The following KATNAL1 variants were observed in gnomAD, a reference collection of about 807,000 sequenced individuals.
KATNAL1 encodes the protein katanin catalytic subunit A1 like 1, also known as katanin p60 ATPase-containing subunit A-like 1.
KATNAL1 carries 32 observed loss-of-function variants against 55.2 expected under a neutral mutation model. The observed-to-expected ratio is 0.58, with a 90% confidence interval of 0.44 to 0.78. The LOEUF (loss-of-function observed/expected upper bound fraction) is 0.78, where lower values mean the gene tolerates loss of function less well. Among genes scored for constraint, KATNAL1 ranks in the 30% least tolerant of loss-of-function variants. The probability of loss-of-function intolerance (pLI) is 0.00; values close to 1 mark genes in which losing one functional copy is unlikely to be tolerated. For missense variants in KATNAL1, 466 were observed against 600.9 expected, an observed-to-expected ratio of 0.78 and a Z score of 2.35; for synonymous variants, 193 against 193.6, an observed-to-expected ratio of 1.00 and a Z score of 0.02.
At chr13:30,238,804 T>C (rs7331654) in intron 6 of KATNAL1, among the ~76,000 whole-genome samples, 1,536 of 152,308 alleles carry the variant, frequency 0.01, 22 homozygotes, top group African/African-American at 0.034. Flanking sequence ...CAAGGAACCC[T>C]GTTTATAACA....
intron 3 of KATNAL1, among the ~76,000 whole-genome samples, chr13:30,258,731 C>A (rs79856713): frequency 6.6e-6 from 1 of 151,882 alleles, no homozygotes; most frequent in Admixed American, 6.6e-5. Flanking sequence ...AATTTTTGTA[C>A]GACGTGAGGT....
chr13:30,285,122 C>A (rs139971886), intron 1 of KATNAL1, among the ~76,000 whole-genome samples: 1 of 152,162 alleles, frequency 6.6e-6, no homozygotes, highest in African/African-American at 2.4e-5. Context: ...GAAAATTAAC[C>A]ATCACTAGTT....
At chr13:30,239,550 T>A (rs1877040106) in intron 6 of KATNAL1, among the ~76,000 whole-genome samples, 1 of 152,272 alleles carries the variant, frequency 6.6e-6, no homozygotes, top group African/African-American at 2.4e-5. Context: ...CAGAAAAAAA[T>A]TATTTGGTCA....
At position 30,206,223 on chromosome 13, in the gene KATNAL1, G is replaced by C. The variant is rs891766553; in HGVS notation, c.*2317C>G. On this transcript the variant is annotated 3_prime_UTR_variant, in exon 11 of 11. Transcript: ENST00000380615. Reference sequence around the variant, plus strand: ...TTGAACCTGGGAGGCAGAAGTTGCAGTGAGCCGAGATCATGCCACTGCACT... The same window carrying C: ...TTGAACCTGGGAGGCAGAAGTTGCACTGAGCCGAGATCATGCCACTGCACT... The C allele has an allele frequency of 1.3e-5, 2 of 152,166 alleles. No individual in the cohort carries two copies. Among genetic ancestry groups the C allele is most frequent in the African/African-American group, 4.8e-5 (2 of 41,374 alleles). 9.4% of individuals were successfully genotyped at this position (152,166 alleles called of 1,614,324 possible). A position where few individuals can be genotyped will look rare whatever the true frequency, so the allele number is the denominator to read the frequency against.
At chr13:30,241,440 G>T (rs1877271708) in intron 4 of KATNAL1, among the ~76,000 whole-genome samples, 3 of 152,110 alleles carry the variant, frequency 2.0e-5, no homozygotes, top group Non-Finnish European at 1.5e-5. Context: ...AATGTGGAAG[G>T]ATCTTTTTAA....
chr13:30,251,656 GTAAGC>G (rs1417700578), intron 4 of KATNAL1, among the ~76,000 whole-genome samples: 1 of 152,142 alleles, frequency 6.6e-6, no homozygotes, highest in Non-Finnish European at 1.5e-5. Flanking sequence ...ATTACCCTGT[GTAAGC>G]TATTTTGTCA....
intron 9 of KATNAL1, among the ~76,000 whole-genome samples, chr13:30,211,902 C>T (rs552069267): frequency 6.6e-6 from 1 of 152,258 alleles, no homozygotes; most frequent in East Asian, 1.9e-4. Flanking sequence ...ACGGGGTGCC[C>T]AGCAGCAGAC....
intron 10 of KATNAL1, 75 bp from the exon 11 acceptor site, chr13:30,208,813 G>T: frequency 1.0e-6 from 1 of 995,562 alleles, no homozygotes; most frequent in Non-Finnish European, 1.4e-6. Flanking sequence ...ACAAAGTTAT[G>T]AAAAAAAAAT....
At chr13:30,263,372 C>A (rs1879470655) in intron 3 of KATNAL1, among the ~76,000 whole-genome samples, 2 of 151,174 alleles carry the variant, frequency 1.3e-5, no homozygotes, top group Admixed American at 1.3e-4. Flanking sequence ...CTGGCCAGGG[C>A]AATTAGGCAG....
intron 3 of KATNAL1, among the ~76,000 whole-genome samples, chr13:30,274,911 AC>A (rs1880717398): frequency 1.1e-5 from 1 of 92,116 alleles, no homozygotes; most frequent in South Asian, 3.1e-4. Context: ...GCGCGCGCAC[AC>A]ACACACACAC....
rs531775135 is a variant in KATNAL1, at chr13:30,307,394, G to GGCCGCCGCCGCC, written c.-90_-79dup. 20 of 154,892 alleles carry GGCCGCCGCCGCC rather than the reference G, an allele frequency of 1.3e-4. 1 individual carries two copies. The highest frequency in any genetic ancestry group is 3.9e-4 in the Admixed American group (6 of 15,302). 9.6% of individuals were successfully genotyped at this position (154,892 alleles called of 1,614,324 possible). On this transcript the variant is annotated 5_prime_UTR_variant, in exon 1 of 11. Transcript: ENST00000380615. ...CCAGATGGGGTGCGGGTGGGGCGCA[G>GGCCGCCGCCGCC]GCCGCCGCCGCCGCCGCCGCCGAGT...
At chr13:30,212,361 G>C (rs532282488) in intron 9 of KATNAL1, among the ~76,000 whole-genome samples, 1 of 152,378 alleles carries the variant, frequency 6.6e-6, no homozygotes, top group South Asian at 2.1e-4. Context: ...GAAAAAGTCA[G>C]ACTACCCAAT....
At chr13:30,280,297 T>C (rs911613584) in intron 2 of KATNAL1, 74 bp from the exon 3 acceptor site, 5 of 1,180,578 alleles carry the variant, frequency 4.2e-6, no homozygotes, top group African/African-American at 3.2e-5. Flanking sequence ...TAAATTACTA[T>C]AGAGTGCACG....
intron 1 of KATNAL1, among the ~76,000 whole-genome samples, chr13:30,284,235 T>G (rs939351499): frequency 2.6e-5 from 4 of 152,098 alleles, no homozygotes; most frequent in Non-Finnish European, 5.9e-5. Flanking sequence ...CTAAACAACG[T>G]TTTCAAATTT....
intron 6 of KATNAL1, among the ~76,000 whole-genome samples, chr13:30,235,648 G>A (rs1233315973): frequency 2.6e-5 from 4 of 152,244 alleles, no homozygotes; most frequent in Non-Finnish European, 4.4e-5. Context: ...CCTGACTCCA[G>A]GAAGAGAGGG....
chr13:30,265,220 T>G, intron 3 of KATNAL1, among the ~76,000 whole-genome samples: 1 of 149,504 alleles, frequency 6.7e-6, no homozygotes. Context: ...CTGGGGACTG[T>G]TGTGGGGTGG....
chr13:30,277,836 A>G (rs1880959586), intron 3 of KATNAL1, among the ~76,000 whole-genome samples: 2 of 151,326 alleles, frequency 1.3e-5, no homozygotes, highest in African/African-American at 4.9e-5. Context: ...ACAAAAAATT[A>G]GCCGGGCGTA....
At chr13:30,274,903 GCGCGCA>G (rs1401933088) in intron 3 of KATNAL1, among the ~76,000 whole-genome samples, 1,132 of 93,656 alleles carry the variant, frequency 0.012, 12 homozygotes, top group Middle Eastern at 0.029. Context: ...GCGCGCGCGC[GCGCGCA>G]CACACACACA....
chr13:30,255,145 T>C (rs1026311197), intron 4 of KATNAL1, among the ~76,000 whole-genome samples: 1 of 152,190 alleles, frequency 6.6e-6, no homozygotes, highest in Non-Finnish European at 1.5e-5. Flanking sequence ...CTCATTTCTA[T>C]TCAGAATACT....
Sources: gnomAD v4.1 joint callset for allele counts (sites outside exome capture counted in the v4.1 genomes callset) on GRCh38, gnomAD v4.1.1 for gene constraint, MANE v1.5 for transcripts, NCBI Gene and HGNC (gene_info 2026-07-23, HGNC 2026-07-21) for gene names.